The following ABI1 variants were observed in gnomAD, a reference collection of about 807,000 sequenced individuals.
ABI1 encodes the protein Abelson interactor 1.
In ABI1, 14 loss-of-function variants were observed where a neutral mutation model predicts 54.6. The ratio of observed to expected loss-of-function variants is 0.26; its 90% CI spans 0.17 to 0.40. The LOEUF is 0.40. Ranked by LOEUF, ABI1 falls within the 10% of genes least tolerant of loss-of-function variation. The pLI, the probability that ABI1 is intolerant of heterozygous loss-of-function variation, is 1.00. For synonymous variants in ABI1, 194 were observed against 209.3 expected, an observed-to-expected ratio of 0.93 and a Z score of 0.63; for missense variants, 443 against 598.3, an observed-to-expected ratio of 0.74 and a Z score of 2.71.
At chr10:26,815,744 C>T (rs1293690079) in intron 2 of ABI1, among the ~76,000 whole-genome samples, 3 of 152,058 alleles carry the variant, frequency 2.0e-5, no homozygotes, top group African/African-American at 4.8e-5. Flanking sequence ...CCCATCTCTA[C>T]CTCACCACCC....
chr10:26,823,517 A>T (rs2048119937), intron 1 of ABI1, among the ~76,000 whole-genome samples: 1 of 152,166 alleles, frequency 6.6e-6, no homozygotes, highest in Non-Finnish European at 1.5e-5. Flanking sequence ...TGAGTAGCTC[A>T]TCCACTAAAG....
intron 3 of ABI1, among the ~76,000 whole-genome samples, chr10:26,776,253 T>A (rs1228051068): frequency 6.6e-6 from 1 of 152,142 alleles, no homozygotes; most frequent in Non-Finnish European, 1.5e-5. Flanking sequence ...AAATCCAGAA[T>A]GTAACAGATC....
At chr10:26,821,245 A>AAG (rs2047960152) in intron 2 of ABI1, among the ~76,000 whole-genome samples, 1 of 149,978 alleles carries the variant, frequency 6.7e-6, no homozygotes, top group African/African-American at 2.4e-5. Flanking sequence ...ACTCCATCTA[A>AAG]AAAAAAAAAA....
intron 7 of ABI1, among the ~76,000 whole-genome samples, chr10:26,761,312 G>C (rs1217957596): frequency 6.6e-6 from 1 of 151,714 alleles, no homozygotes; most frequent in Non-Finnish European, 1.5e-5. Context: ...TACAGAAATC[G>C]AGTTATTTTT....
At chr10:26,755,603 G>A in intron 9 of ABI1, 52 bp downstream of exon 9, 1 of 1,403,484 alleles carries the variant, frequency 7.1e-7, no homozygotes, top group South Asian at 1.2e-5. Flanking sequence ...AGCCATGCAT[G>A]CTATAAGGAG....
intron 1 of ABI1, among the ~76,000 whole-genome samples, chr10:26,853,486 T>G (rs940803968): frequency 8.6e-5 from 13 of 151,466 alleles, no homozygotes; most frequent in African/African-American, 3.1e-4. Flanking sequence ...ATCAAAACTT[T>G]GTAAATGCTT....
At chr10:26,756,546 A>G (rs1027373290) in intron 8 of ABI1, among the ~76,000 whole-genome samples, 2 of 152,160 alleles carry the variant, frequency 1.3e-5, no homozygotes, top group African/African-American at 4.8e-5. Context: ...AACTCATTGG[A>G]TAGCTTGAAA....
intron 2 of ABI1, among the ~76,000 whole-genome samples, chr10:26,807,061 G>A (rs897118494): frequency 6.6e-6 from 1 of 151,878 alleles, no homozygotes; most frequent in South Asian, 2.1e-4. Context: ...TTTTATATGT[G>A]GTAAATGATA....
chr10:26,784,922 G>A (rs1171306837), intron 2 of ABI1, among the ~76,000 whole-genome samples: 1 of 152,166 alleles, frequency 6.6e-6, no homozygotes, highest in Non-Finnish European at 1.5e-5. Flanking sequence ...AATGCCTTGG[G>A]CCAAGAGTAA....
chr10:26,786,915 T>C (rs1230337878), intron 2 of ABI1, among the ~76,000 whole-genome samples: 1 of 152,246 alleles, frequency 6.6e-6, no homozygotes, highest in Non-Finnish European at 1.5e-5. Context: ...GATATTTCAA[T>C]GGTACCTTAA....
chr10:26,781,436 C>G (rs1842090870), intron 2 of ABI1, among the ~76,000 whole-genome samples: 1 of 152,228 alleles, frequency 6.6e-6, no homozygotes, highest in African/African-American at 2.4e-5. Flanking sequence ...CAGTGAGGCC[C>G]TTGATTCACA....
At chr10:26,850,360 C>T (rs116406440) in intron 1 of ABI1, among the ~76,000 whole-genome samples, 74 of 152,074 alleles carry the variant, frequency 4.9e-4, no homozygotes, top group African/African-American at 1.5e-3. Flanking sequence ...AGATAGAACC[C>T]GCCTAAAAAA....
intron 8 of ABI1, among the ~76,000 whole-genome samples, chr10:26,757,635 C>T (rs1014163175): frequency 7.2e-5 from 11 of 152,042 alleles, no homozygotes; most frequent in African/African-American, 2.7e-4. Context: ...TTTAACACTT[C>T]TCAGTAGCTT....
intron 2 of ABI1, among the ~76,000 whole-genome samples, chr10:26,793,324 T>C (rs940572845): frequency 3.3e-5 from 5 of 152,226 alleles, no homozygotes; most frequent in African/African-American, 1.2e-4. Flanking sequence ...ATGCCCAAAA[T>C]TCTGTGTTAC....
intron 1 of ABI1, among the ~76,000 whole-genome samples, chr10:26,826,173 C>T (rs1159654034): frequency 6.6e-6 from 1 of 152,124 alleles, no homozygotes; most frequent in Non-Finnish European, 1.5e-5. Flanking sequence ...AAATGTATTT[C>T]TTAAATAGTA....
At chr10:26,763,859 C>T in intron 7 of ABI1, 1 of 1,600,484 alleles carries the variant, frequency 6.2e-7, no homozygotes, top group Non-Finnish European at 8.6e-7. Flanking sequence ...TTCAATGGCT[C>T]CAATGGCTAT....
intron 2 of ABI1, among the ~76,000 whole-genome samples, chr10:26,788,212 G>C (rs1033982638): frequency 2.0e-5 from 3 of 152,138 alleles, no homozygotes; most frequent in Admixed American, 6.5e-5. Context: ...CGTGTAAGAA[G>C]GGCATTTTGC....
At chr10:26,841,224 A>C (rs1049559132) in intron 1 of ABI1, among the ~76,000 whole-genome samples, 1 of 152,194 alleles carries the variant, frequency 6.6e-6, no homozygotes, top group African/African-American at 2.4e-5. Flanking sequence ...GGACATCAGC[A>C]CTACCTGGTG....
At chr10:26,806,653 T>A (rs2046894003) in intron 2 of ABI1, among the ~76,000 whole-genome samples, 1 of 152,164 alleles carries the variant, frequency 6.6e-6, no homozygotes, top group Non-Finnish European at 1.5e-5. Flanking sequence ...AACTTATTTG[T>A]GGAGAGTAAA....
Sources: gnomAD v4.1 joint callset for allele counts (sites outside exome capture counted in the v4.1 genomes callset) on GRCh38, gnomAD v4.1.1 for gene constraint, MANE v1.5 for transcripts, NCBI Gene and HGNC (gene_info 2026-07-23, HGNC 2026-07-21) for gene names.